The following RIC3 variants were observed in gnomAD, a reference collection of about 807,000 sequenced individuals.
RIC3 encodes RIC3 acetylcholine receptor chaperone.
A neutral mutation model predicts 27.3 loss-of-function variants in RIC3; 28 were observed. The ratio of observed to expected loss-of-function variants is 1.02; its 90% CI spans 0.76 to 1.41. The LOEUF (loss-of-function observed/expected upper bound fraction) is 1.41. Among genes scored for constraint, RIC3 ranks in the 40% most tolerant of loss-of-function variants. The pLI is 0.00. For synonymous variants in RIC3, 184 were observed against 160.4 expected, an observed-to-expected ratio of 1.15 and a Z score of -1.11; for missense variants, 501 against 444.7, an observed-to-expected ratio of 1.13 and a Z score of -1.14.
chr11:8,123,120 G>T (rs751295111), intron 5 of RIC3, among the ~76,000 whole-genome samples: 3 of 151,924 alleles, frequency 2.0e-5, no homozygotes, highest in Non-Finnish European at 4.4e-5. Flanking sequence ...CAGTGGGTTA[G>T]ATACAGTAGA....
In RIC3 at chr11:8,108,845, T is replaced by C. The variant is rs1944945922; in HGVS notation, c.*1853A>G. On this transcript the variant is annotated 3_prime_UTR_variant, in exon 6 of 6. Transcript: ENST00000309737. Reference sequence around the variant, plus strand: ...GTATTTATCTCTAATAAGGGAATCCTATCCTAAGGCCAAAAGTAAACCTGA... The same window carrying C: ...GTATTTATCTCTAATAAGGGAATCCCATCCTAAGGCCAAAAGTAAACCTGA... 1 of 152,252 alleles carries C rather than the reference T, an allele frequency of 6.6e-6. No individual in the cohort carries two copies. 9.4% of individuals were successfully genotyped at this position (152,252 alleles called of 1,614,324 possible).
intron 1 of RIC3, among the ~76,000 whole-genome samples, chr11:8,156,299 C>T (rs1369191927): frequency 6.6e-6 from 1 of 152,206 alleles, no homozygotes; most frequent in Non-Finnish European, 1.5e-5. Flanking sequence ...GAATGAGTGC[C>T]ACCTTTTCAG....
the RIC3 span, chr11:8,094,042 G>A: frequency 6.2e-7 from 1 of 1,614,168 alleles, no homozygotes; most frequent in Non-Finnish European, 8.5e-7. Context: ...TGTTTCCTGA[G>A]CAGTTCAAGA....
the RIC3 span, chr11:8,096,566 C>T: frequency 1.4e-6 from 1 of 732,484 alleles, no homozygotes; most frequent in Non-Finnish European, 2.5e-6. Context: ...AGAGTGTGTG[C>T]ATAAGTTTGT....
At chr11:8,104,475 C>G (rs914852891), downstream of RIC3, 1 of 152,106 alleles carries the variant, frequency 6.6e-6, no homozygotes, top group Non-Finnish European at 1.5e-5. Flanking sequence ...AAAGGGCAAT[C>G]AGCAATCAAC....
the RIC3 span, chr11:8,095,570 G>T: frequency 6.2e-7 from 1 of 1,613,246 alleles, no homozygotes; most frequent in Non-Finnish European, 8.5e-7. Flanking sequence ...CTGACTGTGG[G>T]CCAGTCAGAC....
chr11:8,112,587 G>A (rs569345145), intron 5 of RIC3, among the ~76,000 whole-genome samples: 155 of 152,224 alleles, frequency 1.0e-3, no homozygotes, highest in Non-Finnish European at 8.1e-4. Context: ...GAGCCACCGC[G>A]CCCGGCCAAC....
rs1565156042 is a variant in RIC3 at position 8,168,866 on chromosome 11, C to T, written c.124G>A (p.Gly42Arg). 1.2e-6 allele frequency: 2 copies of T among 1,611,476 alleles called. No homozygotes were observed. The highest frequency in any genetic ancestry group is 2.7e-5 in the African/African-American group (2 of 74,700). ...KRQEPPPTPE[G>R]KLGRFPPMMH... ...TCAGAGGGAGCTGGCCTGCTCTTAC[C>T]TTCAGGTGTCGGCGGCGGCTCCTGC... is the stretch of plus-strand genomic sequence containing the variant. Residue 42 changes from glycine to arginine, a missense_variant and splice_region_variant, in exon 1 of 6, where the codon GGA (glycine) becomes AGA (arginine). Gly to Arg is a moderately radical substitution (Grantham distance 125). Transcript: ENST00000309737.
At chr11:8,105,340 T>C (rs942768648), downstream of RIC3, 10 of 152,194 alleles carry the variant, frequency 6.6e-5, no homozygotes, top group African/African-American at 2.4e-4. Flanking sequence ...GAGTTGGGAC[T>C]CTATACTACC....
chr11:8,145,325 G>T (rs1590283442), intron 1 of RIC3, among the ~76,000 whole-genome samples: 1 of 151,924 alleles, frequency 6.6e-6, no homozygotes, highest in South Asian at 2.1e-4. Flanking sequence ...CCTTCTCTAT[G>T]GGGCCATAAG....
chr11:8,095,376 T>C, the RIC3 span: 1 of 1,036,854 alleles, frequency 9.6e-7, no homozygotes, highest in Non-Finnish European at 1.4e-6. Context: ...AAAATCACTT[T>C]TGCAAATAAA....
chr11:8,128,470 CATGCATT>C (rs1312204738), intron 4 of RIC3: 10 of 349,842 alleles, frequency 2.9e-5, no homozygotes, highest in Non-Finnish European at 2.3e-5. Flanking sequence ...TTGTCCATAT[CATGCATT>C]ATGCATTAAT....
chr11:8,094,431 C>T, the RIC3 span, among the ~76,000 whole-genome samples: 2 of 152,130 alleles, frequency 1.3e-5, no homozygotes, highest in African/African-American at 4.8e-5. Flanking sequence ...TCCTGCTCAG[C>T]TGTGGCCCAG....
At chr11:8,152,067 A>C (rs748239007) in intron 1 of RIC3, among the ~76,000 whole-genome samples, 10 of 152,324 alleles carry the variant, frequency 6.6e-5, no homozygotes, top group Non-Finnish European at 1.2e-4. Flanking sequence ...CTTCACACTA[A>C]CTAGGATGGC....
the RIC3 span, chr11:8,095,744 C>T: frequency 6.9e-7 from 1 of 1,451,124 alleles, no homozygotes; most frequent in Non-Finnish European, 9.3e-7. Flanking sequence ...GGGAGCATGG[C>T]CTTCCTGTGT....
chr11:8,139,810 G>T, intron 2 of RIC3, 157 bp downstream of exon 2: 1 of 667,628 alleles, frequency 1.5e-6, no homozygotes, highest in Non-Finnish European at 2.5e-6. Context: ...CTGAAATAAT[G>T]GCTATCCTAA....
chr11:8,095,678 G>A, the RIC3 span: 3 of 1,581,278 alleles, frequency 1.9e-6, no homozygotes. Context: ...GAGCCCCATG[G>A]GGACCCAGTG....
intron 4 of RIC3, among the ~76,000 whole-genome samples, chr11:8,132,757 G>A (rs1349381927): frequency 6.6e-6 from 1 of 152,160 alleles, no homozygotes; most frequent in East Asian, 1.9e-4. Context: ...GACTTAAGAG[G>A]CTGTAAATGA....
intron 1 of RIC3, among the ~76,000 whole-genome samples, chr11:8,160,697 G>A (rs1951087528): frequency 6.6e-6 from 1 of 152,208 alleles, no homozygotes; most frequent in Admixed American, 6.5e-5. Context: ...TATAGAAGAA[G>A]AAGAGTGCAG....
Sources: allele counts gnomAD v4.1 joint callset (sites outside exome capture counted in the v4.1 genomes callset), GRCh38; gene constraint gnomAD v4.1.1; transcripts MANE v1.5; gene names NCBI Gene and HGNC (gene_info 2026-07-23, HGNC 2026-07-21).